The following SYNE1 variants were observed in gnomAD, a reference collection of about 807,000 sequenced individuals.
SYNE1 encodes the protein nesprin-1.
A neutral mutation model predicts 1,111.0 loss-of-function variants in SYNE1; 616 were observed. That is an observed-to-expected ratio of 0.55 (90% CI 0.52 to 0.59). SYNE1 has a LOEUF of 0.59. SYNE1 is among the 20% of genes least tolerant of loss of function. The pLI is 0.00. For missense variants in SYNE1, 10,006 were observed against 10,417.0 expected (o/e 0.96, Z 1.72); for synonymous variants, 3,855 against 3,825.8 (o/e 1.01, Z -0.28).
At chr6:152,559,186 C>A (rs4470858) in intron 3 of SYNE1, among the ~76,000 whole-genome samples, 2 of 140,388 alleles carry the variant, frequency 1.4e-5, no homozygotes, top group African/African-American at 2.7e-5. Context: ...CCTAGAACTC[C>A]TGGGCTCAAG....
intron 43 of SYNE1, 77 bp from the exon 44 acceptor site, chr6:152,409,303 A>G: frequency 6.9e-7 from 1 of 1,445,974 alleles, no homozygotes; most frequent in Non-Finnish European, 9.6e-7. Flanking sequence ...TCTCTAAGAA[A>G]TTTAATTCAT....
At position 152,342,770 on chromosome 6, in the gene SYNE1, A is replaced by G. The variant is rs377286400; in HGVS notation, c.12225+1311T>C. Among the ~76,000 whole-genome samples, 8 of 152,358 alleles carry G rather than the reference A, an allele frequency of 5.3e-5. No homozygotes were observed. The East Asian group carries it at 1.5e-3, about 29-fold the overall frequency. On this transcript the variant is annotated intron_variant, in intron 74 of 145. Transcript: ENST00000367255. Reference sequence around the variant, plus strand: ...AAAGTTTAAAAAAAATATTTCCCACATATTCTGATTAAGTCTCAGCAATAA... The same window carrying G: ...AAAGTTTAAAAAAAATATTTCCCACGTATTCTGATTAAGTCTCAGCAATAA...
intron 95 of SYNE1, among the ~76,000 whole-genome samples, chr6:152,289,873 G>T (rs371921051): frequency 1.3e-5 from 2 of 150,612 alleles, no homozygotes; most frequent in African/African-American, 4.9e-5. Context: ...TGATCCGCCC[G>T]CCTTGGCCTC....
chr6:152,331,227 T>C lies in SYNE1; in HGVS notation c.13458A>G (p.Pro4486=), dbSNP rs998856849. The C allele has an allele frequency of 1.8e-5, 29 of 1,613,970 alleles. No homozygotes were observed. Among genetic ancestry groups the C allele is most frequent in the Non-Finnish European group, 2.4e-5 (28 of 1,180,042 alleles). Residue 4486 remains proline, a synonymous_variant, in exon 78 of 146, where the codon CCA becomes CCG. Transcript: ENST00000367255. The part of the protein sequence containing the change: ...IMFREHICLL[P]DDVSKQVKTC... ...TTTTGACTTGTTTGCTCACATCATC[T>C]GGTAACAGACAGATGTGTTCACGGA...
intron 76 of SYNE1, chr6:152,335,533 A>C (rs1021086835): frequency 6.6e-6 from 1 of 152,088 alleles, no homozygotes; most frequent in East Asian, 1.9e-4. Flanking sequence ...AATAAATCTT[A>C]TTATCCCGAT....
At chr6:152,622,473 T>C (rs2099677659) in intron 3 of SYNE1, among the ~76,000 whole-genome samples, 2 of 152,130 alleles carry the variant, frequency 1.3e-5, no homozygotes, top group African/African-American at 2.4e-5. Context: ...TATGTGTCCA[T>C]GTATTCTCAT....
rs1167162638 is a variant in SYNE1, at chr6:152,339,184, T to C, written c.12351+57A>G. On this transcript the variant is annotated intron_variant, in intron 75 of 145. Transcript: ENST00000367255. ...TTTCTTTCAATCTCACATGAAACATTCAAGCAAGAGAATATAATAAAACAA... is the reference window on the plus strand; with the variant it reads ...TTTCTTTCAATCTCACATGAAACATCCAAGCAAGAGAATATAATAAAACAA... 1.9e-6 allele frequency: 3 copies of C among 1,601,764 alleles called. No homozygotes were observed. In the East Asian group the frequency reaches 6.8e-5, roughly 36 times the overall value.
chr6:152,388,796 T>A (rs1330761012), intron 53 of SYNE1, among the ~76,000 whole-genome samples: 2 of 152,248 alleles, frequency 1.3e-5, no homozygotes, highest in African/African-American at 4.8e-5. Flanking sequence ...CTTGCTGAAA[T>A]AGTGGAGTCA....
At chr6:152,450,953 T>C in intron 26 of SYNE1, 94 bp downstream of exon 26, 1 of 1,598,760 alleles carries the variant, frequency 6.3e-7, no homozygotes, top group Non-Finnish European at 8.6e-7. Context: ...AATTAAGCTA[T>C]TATTTTTCAG....
chr6:152,135,063 G>A (rs2056750458), intron 142 of SYNE1, 41 bp downstream of exon 142: 17 of 1,613,616 alleles, frequency 1.1e-5, no homozygotes, highest in Non-Finnish European at 1.4e-5. Flanking sequence ...ATGCAACCCT[G>A]CTAAAAATAA....
At chr6:152,455,247 C>T (rs1429509131) in intron 24 of SYNE1, among the ~76,000 whole-genome samples, 179 bp downstream of exon 24, 2 of 152,240 alleles carry the variant, frequency 1.3e-5, no homozygotes, top group African/African-American at 4.8e-5. Context: ...AGCTCACCAA[C>T]TCTCTTGAAG....
Position 152,221,467 on chromosome 6 carries a change from C to T in SYNE1, c.21615G>A (p.Val7205=). 1 of 1,613,884 alleles carries T rather than the reference C, an allele frequency of 6.2e-7. No individual in the cohort carries two copies. Among genetic ancestry groups the T allele is most frequent in the Non-Finnish European group, 8.5e-7 (1 of 1,179,928 alleles). ...NQLLKECHPP[V]TETLTNTLKE... is the part of the protein sequence containing the mutation. ...TCAGTGTATTGGTAAGAGTTTCTGT[C>T]ACGGGTGGGTGACACTCTTTTAATA... is the stretch of plus-strand genomic sequence containing the variant. The change falls in exon 118 of 146, where the codon GTG becomes GTA. Residue 7205 remains valine (V), a synonymous_variant. Coordinates refer to ENST00000367255, the MANE Select transcript of SYNE1 (RefSeq NM_182961.4).
At chr6:152,143,192 C>T (rs768905511) in intron 138 of SYNE1, among the ~76,000 whole-genome samples, 1 of 152,136 alleles carries the variant, frequency 6.6e-6, no homozygotes, top group Non-Finnish European at 1.5e-5. Context: ...AAGAGAAAAA[C>T]ATTCCCAAGG....
At chr6:152,626,404 TA>T (rs1223488804) in intron 3 of SYNE1, among the ~76,000 whole-genome samples, 1 of 152,174 alleles carries the variant, frequency 6.6e-6, no homozygotes, top group Admixed American at 6.5e-5. Flanking sequence ...CATCATTTCA[TA>T]GATGATGTCA....
chr6:152,165,132 A>G (rs1206774768), intron 130 of SYNE1, among the ~76,000 whole-genome samples: 1 of 147,438 alleles, frequency 6.8e-6, no homozygotes, highest in Non-Finnish European at 1.5e-5. Flanking sequence ...TCAAGCTGGG[A>G]TTGTCACACA....
At chr6:152,436,978 C>A (rs2098479539) in intron 32 of SYNE1, among the ~76,000 whole-genome samples, 1 of 150,436 alleles carries the variant, frequency 6.6e-6, no homozygotes, top group African/African-American at 2.5e-5. Context: ...CTAGCCTTGG[C>A]AAAATGGGAA....
At chr6:152,614,601 A>C (rs1342110564) in intron 3 of SYNE1, among the ~76,000 whole-genome samples, 2 of 152,222 alleles carry the variant, frequency 1.3e-5, no homozygotes, top group Non-Finnish European at 2.9e-5. Flanking sequence ...TAGAACTAGA[A>C]ATACCATTTG....
At chr6:152,328,859 C>T (rs896997077) in intron 78 of SYNE1, among the ~76,000 whole-genome samples, 4 of 152,136 alleles carry the variant, frequency 2.6e-5, no homozygotes, top group African/African-American at 9.7e-5. Context: ...TTCTGCTGTG[C>T]TACAGGGAAG....
intron 76 of SYNE1, chr6:152,335,475 G>T (rs1175508309): frequency 1.3e-5 from 2 of 151,876 alleles, no homozygotes; most frequent in African/African-American, 4.8e-5. Context: ...TAAATTTCTA[G>T]GATGGTTCAC....
Sources: gnomAD v4.1 joint callset for allele counts (sites outside exome capture counted in the v4.1 genomes callset) on GRCh38, gnomAD v4.1.1 for gene constraint, MANE v1.5 for transcripts, NCBI Gene and HGNC (gene_info 2026-07-23, HGNC 2026-07-21) for gene names.